AP2A2: variants seen among roughly 807,000 people sequenced by gnomAD.
The protein encoded by AP2A2 is AP-2 complex subunit alpha-2.
A neutral mutation model predicts 104.2 loss-of-function variants in AP2A2; 32 were observed. That is an observed-to-expected ratio of 0.31 (90% CI 0.23 to 0.41). The LOEUF (loss-of-function observed/expected upper bound fraction) is 0.41. AP2A2 is among the 10% of genes least tolerant of loss of function. The pLI, the probability that AP2A2 is intolerant of heterozygous loss-of-function variation, is 1.00. For missense variants in AP2A2, 912 were observed against 1,261.0 expected, an observed-to-expected ratio of 0.72 and a Z score of 4.19; for synonymous variants, 539 against 533.3, an observed-to-expected ratio of 1.01 and a Z score of -0.15.
intron 1 of AP2A2, among the ~76,000 whole-genome samples, chr11:958,554 A>G (rs964927808): frequency 1.3e-5 from 2 of 152,240 alleles, no homozygotes; most frequent in Non-Finnish European, 2.9e-5. Flanking sequence ...ATTTGACAAC[A>G]GATAGGTTGT....
At chr11:943,904 G>A (rs933351440) in intron 1 of AP2A2, among the ~76,000 whole-genome samples, 1 of 150,862 alleles carries the variant, frequency 6.6e-6, no homozygotes, top group Non-Finnish European at 1.5e-5. Context: ...AGGTGGCAGC[G>A]GAGATGGCGA....
chr11:983,175 GC>G (rs1339279047), intron 6 of AP2A2, among the ~76,000 whole-genome samples: 4 of 150,564 alleles, frequency 2.7e-5, no homozygotes, highest in Non-Finnish European at 4.4e-5. Context: ...TCGCCACCAC[GC>G]CCAGTTAATT....
chr11:958,210 A>G (rs1031620996), intron 1 of AP2A2, among the ~76,000 whole-genome samples: 8 of 152,258 alleles, frequency 5.3e-5, no homozygotes, highest in Admixed American at 2.6e-4. Context: ...AAGAAAGGCC[A>G]CGTGAGCACA....
intron 7 of AP2A2, 100 bp downstream of exon 7, chr11:984,853 T>A: frequency 9.8e-7 from 1 of 1,019,754 alleles, no homozygotes; most frequent in Non-Finnish European, 1.5e-6. Flanking sequence ...AGTGTGTTAC[T>A]AGCCCTGTCT....
At chr11:956,789 T>G (rs1854251269) in intron 1 of AP2A2, 1 of 152,230 alleles carries the variant, frequency 6.6e-6, no homozygotes, top group Admixed American at 6.5e-5. Context: ...AATGGAGAAT[T>G]CCCACATTTC....
chr11:972,094 A>T lies in AP2A2; in HGVS notation c.312A>T (p.Ser104=). The change falls in exon 4 of 22, where the codon TCA becomes TCT. Residue 104 remains serine, a synonymous_variant. Transcript: ENST00000448903. ...GYLFISVLVN[S]NSELIRLINN... ...TTTTCATCTCTGTGTTGGTGAACTC[A>T]AACAGTGAGCTGATCCGCCTGATCA... is the stretch of plus-strand genomic sequence containing the variant. 6.2e-7 allele frequency: 1 copy of T among 1,613,756 alleles called. No individual in the cohort carries two copies.
rs1199328082 is a variant in AP2A2 at position 926,025 on chromosome 11, C to T, written c.4C>T (p.Pro2Ser). 7.1e-7 allele frequency: 1 copy of T among 1,407,948 alleles called. No individual in the cohort carries two copies. The highest frequency in any genetic ancestry group is 9.4e-7 in the Non-Finnish European group (1 of 1,068,936). The allele number at this position is 1,407,948 out of a possible 1,614,324, so 87.2% of individuals were successfully genotyped here. A position where few individuals can be genotyped will look rare whatever the true frequency, so the allele number is the denominator to read the frequency against. Residue 2 changes from proline to serine, a missense_variant, in exon 1 of 22, where the codon CCG becomes TCG. Pro to Ser is a moderately conservative substitution (Grantham distance 74). Transcript: ENST00000448903. ...GGCCGCTCCCGAGCGTCGGAAGATG[C>T]CGGCCGTGTCCAAGGGGGACGGGAT... is the stretch of plus-strand genomic sequence containing the variant. M[P>S]AVSKGDGMRG... is the part of the protein sequence containing the mutation.
chr11:966,274 C>G (rs898617555), intron 2 of AP2A2, among the ~76,000 whole-genome samples: 2 of 152,180 alleles, frequency 1.3e-5, no homozygotes, highest in Admixed American at 6.5e-5. Context: ...AGGCAGATCA[C>G]TTAAGCTCAG....
intron 4 of AP2A2, among the ~76,000 whole-genome samples, chr11:975,092 G>C (rs1854976588): frequency 6.6e-6 from 1 of 152,240 alleles, no homozygotes; most frequent in Admixed American, 6.5e-5. Flanking sequence ...AGGAGGTCAG[G>C]TCATTCCTAG....
At chr11:1,008,235 C>G in intron 18 of AP2A2, 100 bp downstream of exon 18, 1 of 1,439,996 alleles carries the variant, frequency 6.9e-7, no homozygotes, top group Non-Finnish European at 9.2e-7. Context: ...CTGAGGGGAC[C>G]CGGGGCGTGC....
chr11:974,295 C>T (rs970088479), intron 4 of AP2A2, among the ~76,000 whole-genome samples: 3 of 151,970 alleles, frequency 2.0e-5, no homozygotes, highest in Non-Finnish European at 4.4e-5. Context: ...GCAGGGTTCT[C>T]CTACCTCAGA....
Position 993,424 on chromosome 11 carries a change from G to A in AP2A2, c.1550+43G>A. 6.7e-7 allele frequency: 1 copy of A among 1,492,396 alleles called. No homozygotes were observed. The allele number at this position is 1,492,396 out of a possible 1,614,324, so 92.4% of individuals were successfully genotyped here. On this transcript the variant is annotated intron_variant, in intron 12 of 21. Coordinates refer to ENST00000448903, the MANE Select transcript of AP2A2 (RefSeq NM_012305.4). The surrounding 1 kb of genome is among the most constrained non-coding windows in gnomAD (Gnocchi z 8.2). ...AGTCGGGGCTGTGTGCGCTCCGGCG[G>A]GCCTCTCGGTGGTCGGTGGCAAGAG...
At chr11:928,423 A>G (rs1316144691) in intron 1 of AP2A2, among the ~76,000 whole-genome samples, 1 of 152,230 alleles carries the variant, frequency 6.6e-6, no homozygotes, top group Non-Finnish European at 1.5e-5. Context: ...TCAGGCACCC[A>G]CTGAGTGCCT....
At chr11:981,875 A>G (rs1409706027) in intron 6 of AP2A2, among the ~76,000 whole-genome samples, 1 of 152,180 alleles carries the variant, frequency 6.6e-6, no homozygotes, top group African/African-American at 2.4e-5. Flanking sequence ...TGTGCACGAG[A>G]TGGCTCAGCT....
At chr11:1,009,241 G>T in intron 19 of AP2A2, 25 bp downstream of exon 19, 1 of 1,609,860 alleles carries the variant, frequency 6.2e-7, no homozygotes, top group Non-Finnish European at 8.5e-7. Flanking sequence ...TCCTGTAGGG[G>T]TCAGGGGTGG....
intron 1 of AP2A2, among the ~76,000 whole-genome samples, chr11:926,443 C>T (rs947593815): frequency 1.3e-5 from 2 of 151,942 alleles, no homozygotes; most frequent in Non-Finnish European, 2.9e-5. Flanking sequence ...CACGGCCCTT[C>T]ATCCACATCT....
At chr11:955,204 C>G (rs979494626) in intron 1 of AP2A2, among the ~76,000 whole-genome samples, 9 of 152,250 alleles carry the variant, frequency 5.9e-5, no homozygotes, top group Non-Finnish European at 1.0e-4. Flanking sequence ...CAGTGGCATG[C>G]ACACATAGGC....
At chr11:1,004,677 A>G (rs1164455417) in intron 16 of AP2A2, among the ~76,000 whole-genome samples, 1 of 150,188 alleles carries the variant, frequency 6.7e-6, no homozygotes, top group Non-Finnish European at 1.5e-5. Flanking sequence ...TTGGGAGGCA[A>G]AGGTGGGAGG....
Position 1,008,096 on chromosome 11 carries a change from C to G in AP2A2, c.2381C>G (p.Ser794Cys), listed in dbSNP as rs1856271494. The G allele has an allele frequency of 6.2e-7, 1 of 1,605,304 alleles. No homozygotes were observed. Among genetic ancestry groups the G allele is most frequent in the African/African-American group, 1.3e-5 (1 of 74,864 alleles). ...VQQVVNIECVSDFTEAPVLNI... is the reference protein window; with the variant it reads ...VQQVVNIECVCDFTEAPVLNI... Reference sequence around the variant, plus strand: ...CAGGTGGTCAACATAGAGTGCGTGTCCGACTTCACGGAGGCGCCAGTCCTC... The same window carrying G: ...CAGGTGGTCAACATAGAGTGCGTGTGCGACTTCACGGAGGCGCCAGTCCTC... The change falls in exon 18 of 22, where the codon TCC (serine) becomes TGC (cysteine). Residue 794 changes from serine to cysteine, a missense_variant. Physicochemically the swap from Ser to Cys is moderately radical, Grantham distance 112. Transcript: ENST00000448903.
Sources: gnomAD v4.1 joint callset for allele counts (sites outside exome capture counted in the v4.1 genomes callset) on GRCh38, gnomAD v4.1.1 for gene constraint, Gnocchi (gnomAD v3.1) non-coding constraint, MANE v1.5 for transcripts, NCBI Gene and HGNC (gene_info 2026-07-23, HGNC 2026-07-21) for gene names.